Variants in SH3GL3 observed in about 807,000 individuals in gnomAD.
The protein encoded by SH3GL3 is SH3 domain containing GRB2 like 3, endophilin A3, also known as endophilin-A3.
SH3GL3 carries 33 observed loss-of-function variants against 47.7 expected under a neutral mutation model. The observed-to-expected ratio is 0.69, with a 90% CI of 0.52 to 0.92. SH3GL3 has a LOEUF of 0.92. SH3GL3 is among the 40% of genes least tolerant of loss of function. The pLI, the probability that SH3GL3 is intolerant of heterozygous loss-of-function variation, is 0.00. For missense variants in SH3GL3, 363 were observed against 417.8 expected (o/e 0.87, Z 1.14); for synonymous variants, 155 against 148.8 (o/e 1.04, Z -0.30).
In SH3GL3 at chr15:83,499,123, G is replaced by A. The variant is rs555291985; in HGVS notation, c.45+51545G>A. On this transcript the variant is annotated intron_variant, in intron 1 of 8. Transcript: ENST00000427482. Reference sequence around the variant, plus strand: ...TGGGGGATGGGTTGCTTTGTTCTCCGTGTTCTTACAGCGTTTTATACATAT... The same window carrying A: ...TGGGGGATGGGTTGCTTTGTTCTCCATGTTCTTACAGCGTTTTATACATAT... 1.9e-4 allele frequency among the ~76,000 whole-genome samples: 29 copies of A among 152,034 alleles called. 1 individual carries two copies. The highest frequency in any genetic ancestry group is 8.3e-4 in the South Asian group (4 of 4,818).
At chr15:83,460,170 A>T (rs1303518105) in intron 1 of SH3GL3, among the ~76,000 whole-genome samples, 1 of 148,546 alleles carries the variant, frequency 6.7e-6, no homozygotes, top group Non-Finnish European at 1.5e-5. Flanking sequence ...ATGTGTTCAT[A>T]GCTCACTGCA....
At chr15:83,466,071 AT>A (rs1461587642) in intron 1 of SH3GL3, among the ~76,000 whole-genome samples, 1 of 151,696 alleles carries the variant, frequency 6.6e-6, no homozygotes, top group Non-Finnish European at 1.5e-5. Flanking sequence ...GGCAACTACT[AT>A]TTTTTTCTTC....
At chr15:83,599,410 A>G (rs1162007398) in intron 8 of SH3GL3, among the ~76,000 whole-genome samples, 8 of 152,182 alleles carry the variant, frequency 5.3e-5, no homozygotes, top group Non-Finnish European at 1.2e-4. Flanking sequence ...TTGCATCCTC[A>G]TAGCTTAGCT....
At chr15:83,500,297 T>C (rs2042241661) in intron 1 of SH3GL3, among the ~76,000 whole-genome samples, 1 of 152,202 alleles carries the variant, frequency 6.6e-6, no homozygotes, top group South Asian at 2.1e-4. Flanking sequence ...TGCTTCTGTA[T>C]TGGATATAAT....
At chr15:83,462,159 T>A (rs1236637459) in intron 1 of SH3GL3, among the ~76,000 whole-genome samples, 1 of 152,216 alleles carries the variant, frequency 6.6e-6, no homozygotes, top group Non-Finnish European at 1.5e-5. Flanking sequence ...GTGCCTGATA[T>A]GTGGGCCACA....
chr15:83,622,471 G>C (rs180773843), downstream of SH3GL3, among the ~76,000 whole-genome samples: 7 of 152,330 alleles, frequency 4.6e-5, no homozygotes, highest in East Asian at 1.3e-3. Context: ...TACATAGTAA[G>C]TGAAGTTTAT....
In SH3GL3 at chr15:83,470,585, C is replaced by T. The variant is rs150791315; in HGVS notation, c.45+23007C>T. 1.1e-3 allele frequency among the ~76,000 whole-genome samples: 174 copies of T among 152,284 alleles called. 2 individuals carry two copies. Among genetic ancestry groups the T allele is most frequent in the African/African-American group, 3.9e-3 (163 of 41,564 alleles). ...GGTTATGCTTTTTAATCTACTCTAC[C>T]TGTCTTCCTTTTAACTGGTGCATGT... On this transcript the variant is annotated intron_variant, in intron 1 of 8. Transcript: ENST00000427482.
intron 1 of SH3GL3, among the ~76,000 whole-genome samples, chr15:83,488,554 G>A (rs2041716174): frequency 1.3e-5 from 2 of 152,162 alleles, no homozygotes; most frequent in Non-Finnish European, 1.5e-5. Flanking sequence ...AGAAAAATAC[G>A]CCTCTTCCTC....
intron 2 of SH3GL3, among the ~76,000 whole-genome samples, chr15:83,560,116 A>T (rs1443730266): frequency 6.6e-6 from 1 of 151,772 alleles, no homozygotes; most frequent in Admixed American, 6.6e-5. Flanking sequence ...TAATAATTAG[A>T]CCCCCCACCC....
At chr15:83,505,122 C>G (rs1215931228) in intron 1 of SH3GL3, among the ~76,000 whole-genome samples, 5 of 152,090 alleles carry the variant, frequency 3.3e-5, no homozygotes, top group Non-Finnish European at 1.5e-5. Context: ...TATCTGTTCT[C>G]CTGTTCGTGG....
intron 1 of SH3GL3, among the ~76,000 whole-genome samples, chr15:83,470,819 C>T (rs1434398890): frequency 6.6e-6 from 1 of 151,884 alleles, no homozygotes; most frequent in African/African-American, 2.4e-5. Context: ...CGTGGCTGTT[C>T]ACATGTGTGT....
chr15:83,627,324 G>C, the SH3GL3 span, among the ~76,000 whole-genome samples: 3 of 150,924 alleles, frequency 2.0e-5, no homozygotes, highest in African/African-American at 7.3e-5. Context: ...TTGAACCCGG[G>C]AGGCAGAGTT....
chr15:83,579,265 G>T (rs1219624667), intron 6 of SH3GL3, among the ~76,000 whole-genome samples: 1 of 152,220 alleles, frequency 6.6e-6, no homozygotes, highest in Non-Finnish European at 1.5e-5. Context: ...CCTTGCTCCG[G>T]CCTGGTTGCA....
rs562139264 is a variant in SH3GL3, at chr15:83,570,925, C to T, written c.332-1640C>T. Among the ~76,000 whole-genome samples, 5 of 152,354 alleles carry T rather than the reference C, an allele frequency of 3.3e-5. No homozygotes were observed. In the East Asian group the frequency reaches 9.6e-4, roughly 29 times the overall value. On this transcript the variant is annotated intron_variant, in intron 4 of 8. Transcript: ENST00000427482. ...AGGCAGGCCTTGAAATCCAAGGACA[C>T]TCCTGCCGTGCATCTGGCCTTGGCG...
intron 1 of SH3GL3, among the ~76,000 whole-genome samples, chr15:83,478,493 C>T (rs1197776845): frequency 2.0e-5 from 3 of 152,178 alleles, no homozygotes; most frequent in East Asian, 1.9e-4. Context: ...GGGTTTGTGC[C>T]GCTTACAAAT....
intron 8 of SH3GL3, among the ~76,000 whole-genome samples, chr15:83,603,430 G>A (rs956088169): frequency 3.9e-5 from 6 of 152,108 alleles, no homozygotes; most frequent in South Asian, 2.1e-4. Context: ...CCCATGCTTC[G>A]CTTTCTTAAC....
At chr15:83,449,793 G>A (rs1387424768) in intron 1 of SH3GL3, among the ~76,000 whole-genome samples, 1 of 151,448 alleles carries the variant, frequency 6.6e-6, no homozygotes, top group Non-Finnish European at 1.5e-5. Flanking sequence ...ATTCTCTCTG[G>A]GCTTCATAGC....
At chr15:83,576,833 A>G in intron 6 of SH3GL3, 92 bp downstream of exon 6, 7 of 859,970 alleles carry the variant, frequency 8.1e-6, no homozygotes, top group Non-Finnish European at 1.2e-5. Flanking sequence ...ACTCTAAAGC[A>G]GGAGTGTCCA....
intron 8 of SH3GL3, among the ~76,000 whole-genome samples, chr15:83,614,372 A>G (rs1366127432): frequency 6.6e-6 from 1 of 152,172 alleles, no homozygotes; most frequent in Non-Finnish European, 1.5e-5. Flanking sequence ...TAGAAACATC[A>G]TGTAGATCAT....
Sources: allele counts gnomAD v4.1 joint callset (sites outside exome capture counted in the v4.1 genomes callset), GRCh38; gene constraint gnomAD v4.1.1; transcripts MANE v1.5; gene names NCBI Gene and HGNC (gene_info 2026-07-23, HGNC 2026-07-21).